Variants in PTPRT observed in about 807,000 individuals in gnomAD.
PTPRT encodes receptor-type tyrosine-protein phosphatase T.
In PTPRT, 56 loss-of-function variants were observed where a neutral mutation model predicts 176.8. The observed-to-expected ratio is 0.32, with a 90% confidence interval of 0.26 to 0.40. PTPRT has a LOEUF of 0.40. Ranked by LOEUF, PTPRT falls within the 10% of genes least tolerant of loss-of-function variation. The pLI, the probability that PTPRT is intolerant of heterozygous loss-of-function variation, is 1.00. For missense variants in PTPRT, 1,540 were observed against 1,908.2 expected (o/e 0.81, Z 3.60); for synonymous variants, 783 against 739.0 (o/e 1.06, Z -0.96).
intron 6 of PTPRT, among the ~76,000 whole-genome samples, chr20:42,711,584 C>T (rs1385957155): frequency 6.6e-6 from 1 of 152,134 alleles, no homozygotes; most frequent in Non-Finnish European, 1.5e-5. Flanking sequence ...TCATATACAG[C>T]TTACACAACC....
intron 7 of PTPRT, among the ~76,000 whole-genome samples, chr20:42,570,032 A>C: frequency 6.6e-6 from 1 of 152,148 alleles, no homozygotes; most frequent in East Asian, 1.9e-4. Flanking sequence ...CTAGTATATA[A>C]ATTTAGGTCT....
chr20:42,355,212 C>G (rs568880403), intron 9 of PTPRT, among the ~76,000 whole-genome samples: 9 of 152,270 alleles, frequency 5.9e-5, no homozygotes, highest in Non-Finnish European at 1.3e-4. Context: ...CAAGCTCCCC[C>G]TCCTTGGTAT....
intron 1 of PTPRT, among the ~76,000 whole-genome samples, chr20:42,915,363 C>G (rs1477093874): frequency 6.6e-6 from 1 of 152,242 alleles, no homozygotes; most frequent in Non-Finnish European, 1.5e-5. Context: ...CCCTCCCTGA[C>G]AGTAGCTGGC....
chr20:42,441,909 T>A (rs1330628940), intron 9 of PTPRT, among the ~76,000 whole-genome samples: 2 of 152,222 alleles, frequency 1.3e-5, no homozygotes, highest in African/African-American at 4.8e-5. Context: ...CAGTTTGAAT[T>A]ATGCAAATTT....
chr20:42,756,986 GT>G (rs1393840935), intron 5 of PTPRT, among the ~76,000 whole-genome samples: 1 of 150,274 alleles, frequency 6.7e-6, no homozygotes, highest in African/African-American at 2.5e-5. Context: ...AAAAACCAAG[GT>G]TGCAGTGAGC....
At chr20:42,212,580 C>T (rs2055669676) in intron 15 of PTPRT, among the ~76,000 whole-genome samples, 1 of 152,104 alleles carries the variant, frequency 6.6e-6, no homozygotes, top group African/African-American at 2.4e-5. Context: ...AAATCTGGCT[C>T]CATGTCAGAC....
At chr20:42,033,171 G>T in the PTPRT span, among the ~76,000 whole-genome samples, 1 of 152,144 alleles carries the variant, frequency 6.6e-6, no homozygotes, top group Non-Finnish European at 1.5e-5. Flanking sequence ...GAATCACTCT[G>T]CAGACATTTT....
At chr20:42,426,379 T>C (rs545579745) in intron 9 of PTPRT, among the ~76,000 whole-genome samples, 4 of 152,270 alleles carry the variant, frequency 2.6e-5, no homozygotes, top group African/African-American at 4.8e-5. Flanking sequence ...AACCGGCTGC[T>C]GGATGACCAA....
At chr20:42,503,595 A>T (rs933421039) in intron 7 of PTPRT, among the ~76,000 whole-genome samples, 5 of 151,820 alleles carry the variant, frequency 3.3e-5, no homozygotes, top group Non-Finnish European at 7.4e-5. Context: ...TTGATTTTTG[A>T]TTTTTGTAAT....
intron 2 of PTPRT, among the ~76,000 whole-genome samples, chr20:42,825,787 G>A (rs190520332): frequency 6.6e-6 from 1 of 152,068 alleles, no homozygotes; most frequent in Non-Finnish European, 1.5e-5. Flanking sequence ...AAGAAAAATG[G>A]TTGGACAAAT....
At chr20:42,541,138 TA>T (rs930884054) in intron 7 of PTPRT, among the ~76,000 whole-genome samples, 3 of 152,040 alleles carry the variant, frequency 2.0e-5, no homozygotes, top group Non-Finnish European at 4.4e-5. Context: ...TTTAAAAATA[TA>T]AAAAAATATA....
intron 1 of PTPRT, among the ~76,000 whole-genome samples, chr20:42,889,652 A>T (rs1031363432): frequency 8.5e-5 from 13 of 152,332 alleles, no homozygotes; most frequent in African/African-American, 3.1e-4. Flanking sequence ...CAATACACAC[A>T]GTTCATGATT....
At chr20:42,234,859 C>A (rs1311445209) in intron 15 of PTPRT, among the ~76,000 whole-genome samples, 1 of 152,144 alleles carries the variant, frequency 6.6e-6, no homozygotes, top group Non-Finnish European at 1.5e-5. Flanking sequence ...CCTGTGGACC[C>A]CACACTGAGC....
chr20:42,358,185 G>A (rs942988398), intron 9 of PTPRT, among the ~76,000 whole-genome samples: 17 of 150,502 alleles, frequency 1.1e-4, no homozygotes, highest in African/African-American at 4.1e-4. Flanking sequence ...TTAACATTAG[G>A]GAAAGTTGTA....
intron 6 of PTPRT, among the ~76,000 whole-genome samples, chr20:42,731,968 A>G (rs2076467973): frequency 6.6e-6 from 1 of 152,098 alleles, no homozygotes; most frequent in Non-Finnish European, 1.5e-5. Flanking sequence ...TCTCTTGTCC[A>G]CTTACCGAAG....
chr20:42,100,118 T>C (rs1249445409), intron 26 of PTPRT, among the ~76,000 whole-genome samples: 1 of 152,194 alleles, frequency 6.6e-6, no homozygotes, highest in Non-Finnish European at 1.5e-5. Flanking sequence ...ACATGCAAAA[T>C]GGGACAGTGC....
At chr20:42,191,721 C>A (rs1225706791) in intron 16 of PTPRT, among the ~76,000 whole-genome samples, 1 of 152,066 alleles carries the variant, frequency 6.6e-6, no homozygotes, top group Non-Finnish European at 1.5e-5. Context: ...CAGACAAAGG[C>A]CAGCACGTGG....
chr20:42,944,819 G>T (rs751700561), intron 1 of PTPRT, among the ~76,000 whole-genome samples: 1 of 152,070 alleles, frequency 6.6e-6, no homozygotes, highest in Non-Finnish European at 1.5e-5. Context: ...ATTGTAATTT[G>T]CAAATATGTG....
In PTPRT at chr20:42,514,888, A is replaced by G. The variant is rs535307097; in HGVS notation, c.1154-42326T>C. 3.9e-5 allele frequency among the ~76,000 whole-genome samples: 6 copies of G among 152,240 alleles called. No homozygotes were observed. The South Asian group carries it at 1.0e-3, about 26-fold the overall frequency. On this transcript the variant is annotated intron_variant, in intron 7 of 30. Coordinates refer to ENST00000373187, the MANE Select transcript of PTPRT (RefSeq NM_007050.6). ...TATTTCTGACTTTTCATCCTGCTCTACTTGTAAATCCCTGTACTAACTTCA... is the reference window on the plus strand; with the variant it reads ...TATTTCTGACTTTTCATCCTGCTCTGCTTGTAAATCCCTGTACTAACTTCA...
Sources: gnomAD v4.1 joint callset for allele counts (sites outside exome capture counted in the v4.1 genomes callset) on GRCh38, gnomAD v4.1.1 for gene constraint, MANE v1.5 for transcripts, NCBI Gene and HGNC (gene_info 2026-07-23, HGNC 2026-07-21) for gene names.